GABRR2: variants seen among roughly 807,000 people sequenced by gnomAD.
GABRR2 encodes the protein gamma-aminobutyric acid type A receptor subunit rho2, also known as gamma-aminobutyric acid receptor subunit rho-2.
In GABRR2, 36 loss-of-function variants were observed where a neutral mutation model predicts 47.0. The ratio of observed to expected loss-of-function variants is 0.77; its 90% CI spans 0.59 to 1.01. The LOEUF (loss-of-function observed/expected upper bound fraction) is 1.01, where lower values mean the gene tolerates loss of function less well. GABRR2 is among the 50% of genes least tolerant of loss of function. The pLI is 0.00. For synonymous variants in GABRR2, 204 were observed against 227.5 expected (o/e 0.90, Z 0.93); for missense variants, 587 against 594.6 (o/e 0.99, Z 0.13).
rs548980696 is a variant in GABRR2 at position 89,266,882 on chromosome 6, A to G, written c.736+797T>C. The stretch of plus-strand genomic sequence containing the variant: ...ATTGCCCAGGCTGGAGTGCAATGGC[A>G]CAATCATAGCTCACTGCAGCCTCAA... On this transcript the variant is annotated intron_variant, in intron 6 of 8. Transcript: ENST00000402938. Among the ~76,000 whole-genome samples the G allele has an allele frequency of 2.8e-3, 427 of 150,938 alleles. 3 individuals carry two copies. Among genetic ancestry groups the G allele is most frequent in the African/African-American group, 0.01 (410 of 40,374 alleles).
At chr6:89,304,985 C>T (rs1342687022) in intron 1 of GABRR2, among the ~76,000 whole-genome samples, 2 of 152,236 alleles carry the variant, frequency 1.3e-5, no homozygotes, top group African/African-American at 4.8e-5. Flanking sequence ...AAGACACATG[C>T]ATGTTCATTG....
At chr6:89,291,539 C>T (rs921535345) in intron 2 of GABRR2, among the ~76,000 whole-genome samples, 2 of 151,974 alleles carry the variant, frequency 1.3e-5, no homozygotes, top group Admixed American at 1.3e-4. Flanking sequence ...CACTTCGCTG[C>T]TTCCTGCTCC....
chr6:89,282,522 C>G (rs994350738), intron 2 of GABRR2, among the ~76,000 whole-genome samples: 1 of 152,238 alleles, frequency 6.6e-6, no homozygotes, highest in African/African-American at 2.4e-5. Context: ...GATGAAGACA[C>G]ATTGCTTCAA....
chr6:89,295,079 T>C (rs1224742161), intron 2 of GABRR2, among the ~76,000 whole-genome samples: 1 of 152,136 alleles, frequency 6.6e-6, no homozygotes, highest in East Asian at 1.9e-4. Context: ...TTTGCTATTG[T>C]GAATAGCGCT....
chr6:89,268,575 A>G (rs1773963896), intron 4 of GABRR2, among the ~76,000 whole-genome samples: 2 of 151,462 alleles, frequency 1.3e-5, no homozygotes, highest in South Asian at 2.1e-4. Context: ...GATGTGGAAC[A>G]TGACTTCTTA....
intron 1 of GABRR2, among the ~76,000 whole-genome samples, chr6:89,306,213 T>TA (rs936455556): frequency 8.3e-4 from 123 of 147,882 alleles, no homozygotes; most frequent in African/African-American, 2.2e-3. Flanking sequence ...CCCGTCCCTT[T>TA]AAAAAAAAAA....
At chr6:89,293,447 G>A (rs1489781000) in intron 2 of GABRR2, among the ~76,000 whole-genome samples, 1 of 152,026 alleles carries the variant, frequency 6.6e-6, no homozygotes, top group Non-Finnish European at 1.5e-5. Context: ...GGTCAAAAGG[G>A]TCAATTTTAT....
rs1337309399 is a variant in GABRR2, at chr6:89,292,763, G to A, written c.220+6996C>T. The stretch of plus-strand genomic sequence containing the variant: ...ATATAATCGTATATATCGTATATAC[G>A]ATATATCGTATATATCGTATATACG... On this transcript the variant is annotated intron_variant, in intron 2 of 8. Coordinates refer to ENST00000402938, the MANE Select transcript of GABRR2 (RefSeq NM_002043.5). Among the ~76,000 whole-genome samples the A allele has an allele frequency of 1.6e-4, 6 of 37,298 alleles. 1 individual carries two copies. Among genetic ancestry groups the A allele is most frequent in the Non-Finnish European group, 2.7e-4 (6 of 21,920 alleles). The allele number at this position is 37,298 out of a possible 152,430, so 24.5% of individuals were successfully genotyped here.
intron 3 of GABRR2, 55 bp downstream of exon 3, chr6:89,271,600 C>T (rs1458684677): frequency 8.1e-6 from 12 of 1,483,464 alleles, no homozygotes; most frequent in African/African-American, 2.8e-5. Context: ...CCTGCACCAC[C>T]GAGGCCCACT....
intron 7 of GABRR2, among the ~76,000 whole-genome samples, 153 bp from the exon 8 acceptor site, chr6:89,264,761 C>A (rs774035863): frequency 6.6e-6 from 1 of 152,162 alleles, no homozygotes; most frequent in Non-Finnish European, 1.5e-5. Context: ...ATCTGCCCTA[C>A]TAGCAGCCAG....
At chr6:89,303,098 C>A in intron 1 of GABRR2, 1 of 673,616 alleles carries the variant, frequency 1.5e-6, no homozygotes, top group Non-Finnish European at 2.5e-6. Flanking sequence ...GAATTGGAGG[C>A]CCAGGGCCCC....
At chr6:89,311,277 C>G (rs1767677760) in intron 1 of GABRR2, among the ~76,000 whole-genome samples, 1 of 152,192 alleles carries the variant, frequency 6.6e-6, no homozygotes, top group Non-Finnish European at 1.5e-5. Flanking sequence ...GGAGTAAATC[C>G]CTCCTGGTCA....
At chr6:89,292,715 C>A (rs1774472916) in intron 2 of GABRR2, among the ~76,000 whole-genome samples, 1 of 123,400 alleles carries the variant, frequency 8.1e-6, no homozygotes, top group Non-Finnish European at 1.7e-5. Flanking sequence ...TGATATATAT[C>A]AGATATATAT....
Position 89,256,035 on chromosome 6 carries a change from T to C in GABRR2, c.*1635A>G, listed in dbSNP as rs1161360366. 6.6e-6 allele frequency among the ~76,000 whole-genome samples: 1 copy of C among 151,722 alleles called. No individual in the cohort carries two copies. The highest frequency in any genetic ancestry group is 2.4e-5 in the African/African-American group (1 of 41,250). On this transcript the variant is annotated 3_prime_UTR_variant, in exon 9 of 9. Transcript: ENST00000402938. The stretch of plus-strand genomic sequence containing the variant: ...AAGCAATCCTCCCGCCTCAGCCTCC[T>C]GAGTAGCTAGAACCCCAGGCACACA...
At chr6:89,301,707 C>T in intron 1 of GABRR2, 1 of 615,732 alleles carries the variant, frequency 1.6e-6, no homozygotes, top group Non-Finnish European at 3.0e-6. Context: ...AAAAACACCA[C>T]TCAAAGAAAT....
intron 6 of GABRR2, among the ~76,000 whole-genome samples, chr6:89,266,730 A>C (rs937071818): frequency 2.6e-5 from 4 of 152,226 alleles, no homozygotes; most frequent in Admixed American, 6.5e-5. Flanking sequence ...GAACTTGTTC[A>C]TCATCCCACA....
intron 2 of GABRR2, among the ~76,000 whole-genome samples, chr6:89,280,901 C>T (rs77209474): frequency 0.077 from 11,670 of 152,342 alleles, 537 homozygotes; most frequent in Non-Finnish European, 0.11. Context: ...AAATGCTGTG[C>T]TCAGTGAATT....
chr6:89,265,577 A>C lies in GABRR2; in HGVS notation c.889+36T>G, dbSNP rs200942482. 18 of 1,560,536 alleles carry C rather than the reference A, an allele frequency of 1.2e-5. No homozygotes were observed. In the Admixed American group the frequency reaches 3.5e-4, roughly 30 times the overall value. On this transcript the variant is annotated intron_variant, in intron 7 of 8. Transcript: ENST00000402938. ...TAAACATAGTGATAAGTTGAAAAAAATAACCACCCTACCACACCTTATGAA... is the reference window on the plus strand; with the variant it reads ...TAAACATAGTGATAAGTTGAAAAAACTAACCACCCTACCACACCTTATGAA...
chr6:89,280,875 A>G (rs1490458512), intron 2 of GABRR2, among the ~76,000 whole-genome samples: 1 of 152,272 alleles, frequency 6.6e-6, no homozygotes, highest in African/African-American at 2.4e-5. Flanking sequence ...AGAACACAGC[A>G]AGGATTTTCC....
Sources: allele counts gnomAD v4.1 joint callset (sites outside exome capture counted in the v4.1 genomes callset), GRCh38; gene constraint gnomAD v4.1.1; transcripts MANE v1.5; gene names NCBI Gene and HGNC (gene_info 2026-07-23, HGNC 2026-07-21).